DPP10: variants seen among roughly 807,000 people sequenced by gnomAD.
The protein encoded by DPP10 is inactive dipeptidyl peptidase 10.
Under a neutral mutation model 120.9 loss-of-function variants are expected in DPP10, and 33 were observed. That is an observed-to-expected ratio of 0.27 (90% confidence interval 0.21 to 0.37). The LOEUF is 0.37. Ranked by LOEUF, DPP10 falls within the 10% of genes least tolerant of loss-of-function variation. The pLI is 1.00. For synonymous variants in DPP10, 337 were observed against 326.1 expected, an observed-to-expected ratio of 1.03 and a Z score of -0.36; for missense variants, 816 against 942.8, an observed-to-expected ratio of 0.87 and a Z score of 1.76.
chr2:115,844,962 T>A lies in DPP10; in HGVS notation c.*2617T>A, dbSNP rs1690497501. On this transcript the variant is annotated 3_prime_UTR_variant, in exon 26 of 26. Transcript: ENST00000410059. ...ACAGAACTAAAGGAAGGAATCACTC[T>A]TCAAAAGATGGATCTCACTTCACTC... 1 of 152,200 alleles carries A rather than the reference T, an allele frequency of 6.6e-6. No homozygotes were observed. Among genetic ancestry groups the A allele is most frequent in the African/African-American group, 2.4e-5 (1 of 41,460 alleles). The allele number at this position is 152,200 out of a possible 1,614,324, so 9.4% of individuals were successfully genotyped here. A position where few individuals can be genotyped will look rare whatever the true frequency, so the allele number is the denominator to read the frequency against.
chr2:115,320,236 A>G (rs1466297953), intron 2 of DPP10, among the ~76,000 whole-genome samples: 2 of 152,176 alleles, frequency 1.3e-5, no homozygotes, highest in African/African-American at 4.8e-5. Context: ...ATATTTTTCC[A>G]TCATTTACCC....
At chr2:115,426,854 A>G (rs2070519020) in intron 3 of DPP10, among the ~76,000 whole-genome samples, 1 of 152,228 alleles carries the variant, frequency 6.6e-6, no homozygotes, top group Admixed American at 6.5e-5. Flanking sequence ...GAGTTAATTC[A>G]AAAGTCCAAA....
At chr2:115,143,188 T>C (rs2051024971) in intron 1 of DPP10, among the ~76,000 whole-genome samples, 1 of 152,092 alleles carries the variant, frequency 6.6e-6, no homozygotes. Flanking sequence ...TGGATGAGCA[T>C]GGTGCTGTGA....
At chr2:114,782,906 A>G (rs1006114398) in intron 1 of DPP10, among the ~76,000 whole-genome samples, 2 of 152,094 alleles carry the variant, frequency 1.3e-5, no homozygotes, top group African/African-American at 4.8e-5. Flanking sequence ...GCTTTTTGTT[A>G]CAAAAAGAGG....
intron 1 of DPP10, among the ~76,000 whole-genome samples, chr2:114,948,401 C>G (rs1256444633): frequency 6.6e-6 from 1 of 151,676 alleles, no homozygotes; most frequent in Non-Finnish European, 1.5e-5. Flanking sequence ...TTATTTTACC[C>G]TTATATAGTT....
intron 2 of DPP10, among the ~76,000 whole-genome samples, chr2:115,330,801 G>A (rs1035047363): frequency 6.6e-6 from 1 of 151,936 alleles, no homozygotes; most frequent in Non-Finnish European, 1.5e-5. Flanking sequence ...GTTTTGGTAC[G>A]AGTACCATGC....
intron 1 of DPP10, among the ~76,000 whole-genome samples, chr2:114,929,935 C>A (rs1412257580): frequency 6.6e-6 from 1 of 152,154 alleles, no homozygotes; most frequent in African/African-American, 2.4e-5. Flanking sequence ...TCCATGAAAT[C>A]TTCACAATTT....
At chr2:115,281,220 T>G (rs2060143921) in intron 1 of DPP10, among the ~76,000 whole-genome samples, 2 of 152,216 alleles carry the variant, frequency 1.3e-5, no homozygotes, top group Admixed American at 1.3e-4. Flanking sequence ...CAACTCTTGA[T>G]TTTATTTCAG....
At chr2:115,551,380 T>C (rs551875507) in intron 5 of DPP10, among the ~76,000 whole-genome samples, 1 of 152,268 alleles carries the variant, frequency 6.6e-6, no homozygotes, top group African/African-American at 2.4e-5. Context: ...GACTGGGCTG[T>C]AGTTAAGGCT....
intron 5 of DPP10, among the ~76,000 whole-genome samples, chr2:115,656,433 A>C (rs1338914907): frequency 6.6e-6 from 1 of 151,492 alleles, no homozygotes; most frequent in African/African-American, 2.4e-5. Context: ...GAATATCACT[A>C]ATGTTTTATA....
intron 1 of DPP10, among the ~76,000 whole-genome samples, chr2:115,171,155 G>A (rs993536823): frequency 6.6e-6 from 1 of 152,128 alleles, no homozygotes; most frequent in Non-Finnish European, 1.5e-5. Context: ...GAGGTCAGGA[G>A]TTTGAGACCA....
intron 7 of DPP10, among the ~76,000 whole-genome samples, chr2:115,706,473 C>T (rs2092110284): frequency 6.6e-6 from 1 of 151,876 alleles, no homozygotes; most frequent in South Asian, 2.1e-4. Flanking sequence ...TCACCTGGGT[C>T]ATGCATAATC....
intron 1 of DPP10, among the ~76,000 whole-genome samples, chr2:114,876,622 C>T (rs1691184538): frequency 6.6e-6 from 1 of 152,056 alleles, no homozygotes; most frequent in South Asian, 2.1e-4. Flanking sequence ...CCCTACTTTA[C>T]CAGCTACTCA....
intron 1 of DPP10, among the ~76,000 whole-genome samples, chr2:115,114,653 A>T (rs1051124551): frequency 3.3e-5 from 5 of 152,206 alleles, no homozygotes; most frequent in Non-Finnish European, 7.3e-5. Context: ...GAGAAAGTAA[A>T]CACACATTCT....
chr2:115,740,608 T>C (rs1256870665), intron 9 of DPP10, among the ~76,000 whole-genome samples: 6 of 152,094 alleles, frequency 3.9e-5, no homozygotes, highest in African/African-American at 1.4e-4. Flanking sequence ...GAATTTTTCA[T>C]CAGGTGAAGA....
intron 2 of DPP10, 150 bp from the exon 3 acceptor site, chr2:115,343,667 G>A (rs1574496052): frequency 2.2e-6 from 1 of 448,854 alleles, no homozygotes; most frequent in East Asian, 3.6e-5. Context: ...ATTAAACAAA[G>A]TTCAAATGCC....
At chr2:115,714,388 A>G (rs2092422124) in intron 7 of DPP10, among the ~76,000 whole-genome samples, 1 of 152,216 alleles carries the variant, frequency 6.6e-6, no homozygotes, top group Non-Finnish European at 1.5e-5. Context: ...TGATTTTTAA[A>G]TGTCTTGACT....
intron 1 of DPP10, among the ~76,000 whole-genome samples, chr2:114,522,105 A>G (rs1278996294): frequency 1.0e-4 from 14 of 139,942 alleles, no homozygotes; most frequent in Non-Finnish European, 1.1e-4. Flanking sequence ...TCAGCCTCCC[A>G]AGTAGCTGGG....
chr2:114,714,595 G>C (rs778901645), intron 1 of DPP10, among the ~76,000 whole-genome samples: 1 of 152,044 alleles, frequency 6.6e-6, no homozygotes, highest in African/African-American at 2.4e-5. Context: ...ACCTGGTCTG[G>C]CTCCTTGAAA....
Sources: gnomAD v4.1 joint callset for allele counts (sites outside exome capture counted in the v4.1 genomes callset) on GRCh38, gnomAD v4.1.1 for gene constraint, MANE v1.5 for transcripts, NCBI Gene and HGNC (gene_info 2026-07-23, HGNC 2026-07-21) for gene names.